Variants in SLC5A2 observed in about 807,000 individuals in gnomAD.
The protein encoded by SLC5A2 is sodium/glucose cotransporter 2.
Under a neutral mutation model 69.0 loss-of-function variants are expected in SLC5A2, and 67 were observed. That is an observed-to-expected ratio of 0.97 (90% CI 0.80 to 1.19). The LOEUF is 1.19. Among genes scored for constraint, SLC5A2 ranks in the 50% most tolerant of loss-of-function variants. The pLI is 0.00. For missense variants in SLC5A2, 1,001 were observed against 921.5 expected (o/e 1.09, Z -1.12); for synonymous variants, 455 against 395.8 (o/e 1.15, Z -1.78).
chr16:31,487,200 G>A (rs1019925475), intron 5 of SLC5A2, 120 bp from the exon 6 acceptor site: 13 of 1,007,972 alleles, frequency 1.3e-5, no homozygotes, highest in African/African-American at 7.9e-5. Context: ...ACAGGCTATC[G>A]TTTTGAAATT....
chr16:31,483,403 A>T, intron 1 of SLC5A2, 141 bp downstream of exon 1: 1 of 1,143,872 alleles, frequency 8.7e-7, no homozygotes, highest in Non-Finnish European at 1.3e-6. Flanking sequence ...AGGTCTTTGG[A>T]AGTTCTCAGG....
chr16:31,487,960 G>A lies in SLC5A2; in HGVS notation c.886-78G>A, dbSNP rs370919060. 4.4e-6 allele frequency: 7 copies of A among 1,589,904 alleles called. No individual in the cohort carries two copies. The East Asian group carries it at 1.6e-4, about 36-fold the overall frequency. On this transcript the variant is annotated intron_variant, in intron 7 of 13. Transcript: ENST00000330498. ...CTTGGGGCACTCACGAGCCAGAGGC[G>A]GGGCACAGAGCGGAACGGGGCGCGG...
chr16:31,489,948 T>C (rs1035297390), intron 12 of SLC5A2, 156 bp from the exon 13 acceptor site: 5 of 926,998 alleles, frequency 5.4e-6, no homozygotes, highest in African/African-American at 4.9e-5. Flanking sequence ...AGGGCAGCCA[T>C]GTAGGGTGGA....
intron 4 of SLC5A2, 106 bp from the exon 5 acceptor site, chr16:31,486,064 T>C: frequency 1.7e-6 from 2 of 1,208,756 alleles, no homozygotes; most frequent in African/African-American, 1.5e-5. Flanking sequence ...TGCTGGGACC[T>C]GGAAAAATGG....
chr16:31,488,607 G>C lies in SLC5A2; in HGVS notation c.1130-15G>C. ...CCCCAGTGGCCCCAGCCTCACGGCT[G>C]CCGTCGGCCCGCAGGTCTGCGCGGA... On this transcript the variant is annotated splice_polypyrimidine_tract_variant and intron_variant, in intron 9 of 13. Transcript: ENST00000330498. The C allele has an allele frequency of 6.2e-7, 1 of 1,609,542 alleles. No individual in the cohort carries two copies. The highest frequency in any genetic ancestry group is 1.3e-5 in the African/African-American group (1 of 74,996).
rs146640840 is a variant in SLC5A2 at position 31,483,880 on chromosome 16, C to A, written c.126+618C>A. ...GGGATTACAGATGTGAGCCACTGTG[C>A]CTGGATGAGACCTTGTTTCTTAAAA... On this transcript the variant is annotated intron_variant, in intron 1 of 13. Coordinates refer to ENST00000330498, the MANE Select transcript of SLC5A2 (RefSeq NM_003041.4). 5.7e-3 allele frequency among the ~76,000 whole-genome samples: 858 copies of A among 151,834 alleles called. 6 individuals are homozygous for A. The highest frequency in any genetic ancestry group is 0.02 in the African/African-American group (820 of 41,410).
In SLC5A2 at chr16:31,484,911, A is replaced by C; in HGVS notation, c.291A>C (p.Gly97=). 6.2e-7 allele frequency: 1 copy of C among 1,614,024 alleles called. No individual in the cohort carries two copies. Residue 97 remains glycine (G), a synonymous_variant, in exon 3 of 14, where the codon GGA becomes GGC. Transcript: ENST00000330498. ...TGAASGLAVA[G]FEWNALFVVL... ...CTGCAAGTGGCTTGGCTGTTGCTGGATTCGAGTGGAATGTGAGGCCCTCTT... is the reference window on the plus strand; with the variant it reads ...CTGCAAGTGGCTTGGCTGTTGCTGGCTTCGAGTGGAATGTGAGGCCCTCTT...
In SLC5A2 at chr16:31,487,913, C is replaced by T. The variant is rs574556237; in HGVS notation, c.886-125C>T. 1,504 of 1,468,082 alleles carry T rather than the reference C, an allele frequency of 1.0e-3. 2 individuals carry two copies. The highest frequency in any genetic ancestry group is 1.3e-3 in the Non-Finnish European group (1,416 of 1,076,932). The allele number at this position is 1,468,082 out of a possible 1,614,324, so 90.9% of individuals were successfully genotyped here. ...TGCTAAACCAGACAGAAGGCTCCAT[C>T]TACTCCAAGCGTGCAGCTGAACTTG... On this transcript the variant is annotated intron_variant, in intron 7 of 13. Transcript: ENST00000330498.
rs2082514295 is a variant in SLC5A2, at chr16:31,488,053, T to C, written c.901T>C (p.Cys301Arg). The C allele has an allele frequency of 1.9e-6, 3 of 1,613,762 alleles. No homozygotes were observed. Among genetic ancestry groups the C allele is most frequent in the Non-Finnish European group, 2.5e-6 (3 of 1,179,934 alleles). Reference sequence around the variant, plus strand: ...CCTCCCGTAGGTCATCGTGCAGCGCTGCCTGGCCGGGAAGAGCCTGACCCA... The same window carrying C: ...CCTCCCGTAGGTCATCGTGCAGCGCCGCCTGGCCGGGAAGAGCCTGACCCA... ...WCSDQVIVQR[C>R]LAGKSLTHIK... The change falls in exon 8 of 14, where the codon TGC becomes CGC. Residue 301 changes from cysteine to arginine, a missense_variant. Cys to Arg is a radical substitution (Grantham distance 180). Transcript: ENST00000330498.
chr16:31,489,530 C>G (rs1184052410), intron 12 of SLC5A2, 192 bp downstream of exon 12: 3 of 635,454 alleles, frequency 4.7e-6, no homozygotes, highest in African/African-American at 3.6e-5. Context: ...CTGGGGGAGG[C>G]TTGATGTTGA....
chr16:31,484,256 A>ACGCGCG (rs1170479542), intron 1 of SLC5A2, among the ~76,000 whole-genome samples: 1 of 145,624 alleles, frequency 6.9e-6, no homozygotes, highest in African/African-American at 2.6e-5. Flanking sequence ...ACACACACAC[A>ACGCGCG]CGCACACACA....
chr16:31,485,878 C>A lies in SLC5A2; in HGVS notation c.453C>A (p.Ile151=). 1 of 1,613,678 alleles carries A rather than the reference C, an allele frequency of 6.2e-7. No homozygotes were observed. The highest frequency in any genetic ancestry group is 2.2e-5 in the East Asian group (1 of 44,880). Residue 151 remains isoleucine (I), a synonymous_variant, in exon 4 of 14, where the codon ATC becomes ATA. Transcript: ENST00000330498. ...YLSVLSLFLY[I]FTKISVDMFS... is the part of the protein sequence containing the mutation. ...CTGTGCTCTCCCTTTTCCTGTACATCTTCACCAAGATCTCAGTGAGTGCCT... is the reference window on the plus strand; with the variant it reads ...CTGTGCTCTCCCTTTTCCTGTACATATTCACCAAGATCTCAGTGAGTGCCT...
intron 9 of SLC5A2, 25 bp from the exon 10 acceptor site, chr16:31,488,597 C>A (rs938205909): frequency 8.7e-6 from 14 of 1,609,932 alleles, no homozygotes; most frequent in Non-Finnish European, 1.2e-5. Context: ...GTGGCCCCAG[C>A]CTCACGGCTG....
In SLC5A2 at chr16:31,485,768, C is replaced by G; in HGVS notation, c.343C>G (p.Pro115Ala). Residue 115 changes from proline (P) to alanine (A), a missense_variant, in exon 4 of 14, where the codon CCC becomes GCC. Coordinates refer to ENST00000330498, the MANE Select transcript of SLC5A2 (RefSeq NM_003041.4). Reference sequence around the variant, plus strand: ...GCTGCTACTGGGCTGGCTGTTTGCACCCGTGTACCTGACAGCGGGGGTCAT... The same window carrying G: ...GCTGCTACTGGGCTGGCTGTTTGCAGCCGTGTACCTGACAGCGGGGGTCAT... ...VVLLLGWLFA[P>A]VYLTAGVITM... is the part of the protein sequence containing the mutation. The G allele has an allele frequency of 6.2e-7, 1 of 1,613,774 alleles. No individual in the cohort carries two copies.
chr16:31,484,295 C>G (rs1173847736), intron 1 of SLC5A2, among the ~76,000 whole-genome samples: 1 of 151,510 alleles, frequency 6.6e-6, no homozygotes, highest in East Asian at 1.9e-4. Context: ...GTGGCGTGTG[C>G]CTATAATCCC....
At chr16:31,489,456 G>C in intron 12 of SLC5A2, 118 bp downstream of exon 12, 1 of 894,824 alleles carries the variant, frequency 1.1e-6, no homozygotes, top group Non-Finnish European at 1.8e-6. Context: ...ATGGGCTGGG[G>C]GTCCAGCTGC....
chr16:31,490,313 C>T lies in SLC5A2; in HGVS notation c.1797C>T (p.Pro599=). 1.2e-6 allele frequency: 2 copies of T among 1,612,358 alleles called. No individual in the cohort carries two copies. Among genetic ancestry groups the T allele is most frequent in the East Asian group, 2.2e-5 (1 of 44,848 alleles). The change falls in exon 14 of 14, where the codon CCC becomes CCT. Residue 599 remains proline, a synonymous_variant. Coordinates refer to ENST00000330498, the MANE Select transcript of SLC5A2 (RefSeq NM_003041.4). The stretch of plus-strand genomic sequence containing the variant: ...CAGGGCCTCAATTTCCCTCAGAGCC[C>T]CAGGCCCCGGCACCAAGCCTCTTCC... ...CPESAMEMNE[P]QAPAPSLFRQ...
intron 1 of SLC5A2, 76 bp from the exon 2 acceptor site, chr16:31,484,597 G>A: frequency 2.1e-6 from 3 of 1,457,546 alleles, no homozygotes; most frequent in Non-Finnish European, 2.9e-6. Context: ...AAACAAGGCT[G>A]AGGAATGTGT....
rs770770262 is a variant in SLC5A2 at position 31,483,163 on chromosome 16, G to A, written c.27G>A (p.Ser9=). The change falls in exon 1 of 14, where the codon TCG becomes TCA. Residue 9 remains serine (S), a synonymous_variant. Transcript: ENST00000330498. MEEHTEAG[S]APEMGAQKAL... ...TGGAGGAGCACACAGAGGCAGGCTC[G>A]GCACCAGAGATGGGGGCCCAGAAGG... is the stretch of plus-strand genomic sequence containing the variant. The A allele has an allele frequency of 1.2e-6, 2 of 1,614,036 alleles. No individual in the cohort carries two copies. Among genetic ancestry groups the A allele is most frequent in the Non-Finnish European group, 1.7e-6 (2 of 1,180,030 alleles).
Sources: gnomAD v4.1 joint callset for allele counts (sites outside exome capture counted in the v4.1 genomes callset) on GRCh38, gnomAD v4.1.1 for gene constraint, MANE v1.5 for transcripts, NCBI Gene and HGNC (gene_info 2026-07-23, HGNC 2026-07-21) for gene names.